ITGA9: variants seen among roughly 807,000 people sequenced by gnomAD.
The protein encoded by ITGA9 is integrin subunit alpha 9.
In ITGA9, 56 loss-of-function variants were observed where a neutral mutation model predicts 127.8. The observed-to-expected ratio is 0.44, with a 90% confidence interval of 0.35 to 0.55. The LOEUF is 0.55. Among genes scored for constraint, ITGA9 ranks in the 20% least tolerant of loss-of-function variants. The probability of loss-of-function intolerance (pLI) is 0.00; values close to 1 mark genes in which losing one functional copy is unlikely to be tolerated. For missense variants in ITGA9, 1,196 were observed against 1,347.1 expected (o/e 0.89, Z 1.76); for synonymous variants, 508 against 514.5 (o/e 0.99, Z 0.17).
intron 23 of ITGA9, among the ~76,000 whole-genome samples, chr3:37,764,114 C>A (rs1435178627): frequency 6.6e-6 from 1 of 152,140 alleles, no homozygotes; most frequent in Non-Finnish European, 1.5e-5. Flanking sequence ...TGCCCCATGA[C>A]CCTTTCTTAG....
chr3:37,588,263 A>C (rs1236577520), intron 15 of ITGA9, among the ~76,000 whole-genome samples: 3 of 152,240 alleles, frequency 2.0e-5, no homozygotes, highest in African/African-American at 7.2e-5. Context: ...TTGATTTCTC[A>C]GGCCTCTCAG....
intron 15 of ITGA9, among the ~76,000 whole-genome samples, chr3:37,543,576 C>A (rs1699297082): frequency 6.6e-6 from 1 of 152,162 alleles, no homozygotes; most frequent in African/African-American, 2.4e-5. Context: ...ATATAATTGC[C>A]AATATTCTTT....
intron 17 of ITGA9, among the ~76,000 whole-genome samples, chr3:37,664,417 ATTCTT>A (rs1700565228): frequency 7.6e-6 from 1 of 131,492 alleles, no homozygotes. Flanking sequence ...GAGTCAGCAC[ATTCTT>A]TTTTTTTTTT....
chr3:37,581,862 C>T (rs930967991), intron 15 of ITGA9, among the ~76,000 whole-genome samples: 3 of 152,186 alleles, frequency 2.0e-5, no homozygotes, highest in Non-Finnish European at 2.9e-5. Flanking sequence ...GCCAGGACCC[C>T]ACTTCCACAA....
intron 17 of ITGA9, among the ~76,000 whole-genome samples, chr3:37,678,277 T>C (rs1700701904): frequency 6.6e-6 from 1 of 152,254 alleles, no homozygotes; most frequent in South Asian, 2.1e-4. Flanking sequence ...CACTCGATTT[T>C]ACGTTCCTAC....
At chr3:37,598,940 CT>C (rs1238400564) in intron 15 of ITGA9, among the ~76,000 whole-genome samples, 1 of 152,090 alleles carries the variant, frequency 6.6e-6, no homozygotes, top group Non-Finnish European at 1.5e-5. Flanking sequence ...GATGCCTTTC[CT>C]TTGTTACTTT....
intron 26 of ITGA9, among the ~76,000 whole-genome samples, chr3:37,795,507 G>A (rs1023369576): frequency 7.2e-5 from 11 of 152,212 alleles, no homozygotes; most frequent in Admixed American, 3.9e-4. Context: ...AAATTCTACA[G>A]AAGCAGGCAG....
chr3:37,690,924 C>G (rs1417673027), intron 18 of ITGA9, among the ~76,000 whole-genome samples: 1 of 152,166 alleles, frequency 6.6e-6, no homozygotes, highest in Non-Finnish European at 1.5e-5. Flanking sequence ...GTTAAACCAA[C>G]TACTACAGTG....
rs149621566 is a variant in ITGA9 at position 37,678,883 on chromosome 3, G to A, written c.1917-4982G>A. Reference sequence around the variant, plus strand: ...GAGGACAGAAAACAAGTTCTACAGAGATTTTCTGGCTTGACACAGCTGCCA... The same window carrying A: ...GAGGACAGAAAACAAGTTCTACAGAAATTTTCTGGCTTGACACAGCTGCCA... On this transcript the variant is annotated intron_variant, in intron 17 of 27. Transcript: ENST00000264741. 6.1e-4 allele frequency among the ~76,000 whole-genome samples: 93 copies of A among 152,270 alleles called. No homozygotes were observed. The Middle Eastern group carries it at 0.014, about 22-fold the overall frequency.
At chr3:37,808,647 G>T (rs1697329058) in intron 27 of ITGA9, 1 of 152,220 alleles carries the variant, frequency 6.6e-6, no homozygotes, top group Non-Finnish European at 1.5e-5. Context: ...GAAGGGTTTG[G>T]CGGGGTGATT....
intron 1 of ITGA9, among the ~76,000 whole-genome samples, chr3:37,453,900 A>G (rs1167312211): frequency 5.3e-5 from 8 of 152,146 alleles, no homozygotes; most frequent in South Asian, 4.1e-4. Flanking sequence ...CCAGCTCCAC[A>G]TCTCCCTCTC....
chr3:37,593,939 ATGACTCAGG>A (rs1699844736), intron 15 of ITGA9, among the ~76,000 whole-genome samples: 2 of 21,088 alleles, frequency 9.5e-5, no homozygotes, highest in African/African-American at 3.7e-4. Flanking sequence ...CGAAACTGGC[ATGACTCAGG>A]AGTCTGACCA....
In ITGA9 at chr3:37,764,466, T is replaced by TAAAAA. The variant is rs10694316; in HGVS notation, c.2542-12905_2542-12901dup. 9.3e-3 allele frequency among the ~76,000 whole-genome samples: 692 copies of TAAAAA among 74,632 alleles called. 41 individuals carry two copies. Among genetic ancestry groups the TAAAAA allele is most frequent in the African/African-American group, 0.025 (466 of 18,682 alleles). 49.0% of individuals were successfully genotyped at this position (74,632 alleles called of 152,430 possible). ...CTCAGAAACACTCCGAGATTCTCAG[T>TAAAAA]AAAAAAAAAAAAAAAAAAAAAAAAA... On this transcript the variant is annotated intron_variant, in intron 23 of 27. Transcript: ENST00000264741.
intron 15 of ITGA9, among the ~76,000 whole-genome samples, chr3:37,548,449 G>GTAAA (rs1484319016): frequency 6.6e-6 from 1 of 152,210 alleles, no homozygotes. Flanking sequence ...TGTTATGTAT[G>GTAAA]TAAATTATAT....
chr3:37,763,679 C>A lies in ITGA9; in HGVS notation c.2541+13110C>A, dbSNP rs376815035. Among the ~76,000 whole-genome samples, 25 of 152,336 alleles carry A rather than the reference C, an allele frequency of 1.6e-4. No homozygotes were observed. The South Asian group carries it at 4.8e-3, about 29-fold the overall frequency. ...GAGGATAATTGCAACAAGAAGTCTC[C>A]CCTGCAGCCAGCTTATTGGAGCTGA... On this transcript the variant is annotated intron_variant, in intron 23 of 27. Coordinates refer to ENST00000264741, the MANE Select transcript of ITGA9 (RefSeq NM_002207.3).
chr3:37,568,903 G>T (rs1699574378), intron 15 of ITGA9, among the ~76,000 whole-genome samples: 1 of 152,096 alleles, frequency 6.6e-6, no homozygotes, highest in Non-Finnish European at 1.5e-5. Flanking sequence ...TCCAACCTCT[G>T]CCTGTTACCC....
chr3:37,703,071 C>G (rs1206409890), intron 18 of ITGA9, among the ~76,000 whole-genome samples: 1 of 152,196 alleles, frequency 6.6e-6, no homozygotes, highest in East Asian at 1.9e-4. Flanking sequence ...ACATATTTTA[C>G]TCATAAATTC....
chr3:37,481,009 G>A (rs970743659), intron 3 of ITGA9, among the ~76,000 whole-genome samples: 17 of 152,114 alleles, frequency 1.1e-4, no homozygotes, highest in Non-Finnish European at 2.1e-4. Context: ...AACCTTGGCC[G>A]CCTCTTTGAT....
intron 5 of ITGA9, among the ~76,000 whole-genome samples, chr3:37,496,402 A>G (rs1309186612): frequency 1.3e-5 from 2 of 151,524 alleles, no homozygotes; most frequent in Non-Finnish European, 2.9e-5. Context: ...CTCTCACCTC[A>G]CTCTCCTACT....
Sources: gnomAD v4.1 joint callset for allele counts (sites outside exome capture counted in the v4.1 genomes callset) on GRCh38, gnomAD v4.1.1 for gene constraint, MANE v1.5 for transcripts, NCBI Gene and HGNC (gene_info 2026-07-23, HGNC 2026-07-21) for gene names.